PTPRR: variants seen among roughly 807,000 people sequenced by gnomAD.
PTPRR encodes protein tyrosine phosphatase receptor type R, also known as receptor-type tyrosine-protein phosphatase R.
In PTPRR, 38 loss-of-function variants were observed where a neutral mutation model predicts 77.2. The ratio of observed to expected loss-of-function variants is 0.49; its 90% CI spans 0.38 to 0.65. PTPRR has a LOEUF of 0.65. Among genes scored for constraint, PTPRR ranks in the 30% least tolerant of loss-of-function variants. The probability of loss-of-function intolerance (pLI) is 0.00; values close to 1 mark genes in which losing one functional copy is unlikely to be tolerated. For synonymous variants in PTPRR, 299 were observed against 283.1 expected (o/e 1.06, Z -0.57); for missense variants, 744 against 799.2 (o/e 0.93, Z 0.83).
chr12:70,738,891 G>T lies in PTPRR; in HGVS notation c.1007+6927C>A, dbSNP rs186373380. On this transcript the variant is annotated intron_variant, in intron 6 of 13. Transcript: ENST00000283228. ...CTCCTCAATACAGGTGAATAAACAG[G>T]TTCCAACTTATATATGTGGTAGTTA... Among the ~76,000 whole-genome samples the T allele has an allele frequency of 9.3e-4, 141 of 152,296 alleles. 1 individual carries two copies. The highest frequency in any genetic ancestry group is 3.3e-3 in the African/African-American group (138 of 41,558).
chr12:70,735,031 T>C (rs756942586), intron 6 of PTPRR, among the ~76,000 whole-genome samples: 1 of 152,112 alleles, frequency 6.6e-6, no homozygotes, highest in Non-Finnish European at 1.5e-5. Context: ...TTTTATTTTT[T>C]TAGAATAAAA....
intron 6 of PTPRR, among the ~76,000 whole-genome samples, chr12:70,735,906 A>G (rs549838471): frequency 1.9e-4 from 29 of 152,326 alleles, no homozygotes; most frequent in African/African-American, 7.0e-4. Flanking sequence ...TTACAGCAGC[A>G]CGGGCAGCAG....
chr12:70,828,980 G>A (rs1409308207), intron 2 of PTPRR, among the ~76,000 whole-genome samples: 1 of 152,132 alleles, frequency 6.6e-6, no homozygotes, highest in East Asian at 1.9e-4. Flanking sequence ...AGTCTAATGA[G>A]AGATGCTTCT....
chr12:70,884,642 CG>C (rs1172630140), intron 2 of PTPRR, among the ~76,000 whole-genome samples: 1 of 151,526 alleles, frequency 6.6e-6, no homozygotes, highest in African/African-American at 2.4e-5. Flanking sequence ...CCGAGGCGGG[CG>C]GATCACGAGG....
At chr12:70,859,092 GC>G (rs1415218045) in intron 2 of PTPRR, among the ~76,000 whole-genome samples, 1 of 151,916 alleles carries the variant, frequency 6.6e-6, no homozygotes, top group African/African-American at 2.4e-5. Context: ...GCCAACTTCT[GC>G]CAGTTCTGAC....
intron 2 of PTPRR, among the ~76,000 whole-genome samples, chr12:70,890,960 C>T (rs924091446): frequency 6.6e-6 from 1 of 152,070 alleles, no homozygotes; most frequent in African/African-American, 2.4e-5. Flanking sequence ...TAAAAAATAA[C>T]CCTGCCTCCC....
chr12:70,867,438 T>C (rs950822699), intron 2 of PTPRR, among the ~76,000 whole-genome samples: 3 of 152,062 alleles, frequency 2.0e-5, no homozygotes, highest in African/African-American at 7.2e-5. Context: ...CATTCACAAT[T>C]GCTTCAAAGA....
At chr12:70,902,549 C>T (rs1893555148) in intron 1 of PTPRR, among the ~76,000 whole-genome samples, 1 of 151,802 alleles carries the variant, frequency 6.6e-6, no homozygotes, top group Admixed American at 6.6e-5. Flanking sequence ...GAATACTACT[C>T]AGCCATAAGA....
rs116454505 is a variant in PTPRR at position 70,715,358 on chromosome 12, C to T, written c.1008-14035G>A. 9.5e-3 allele frequency among the ~76,000 whole-genome samples: 1,452 copies of T among 152,252 alleles called. 19 individuals carry two copies. Among genetic ancestry groups the T allele is most frequent in the African/African-American group, 0.033 (1,365 of 41,552 alleles). On this transcript the variant is annotated intron_variant, in intron 6 of 13. Coordinates refer to ENST00000283228, the MANE Select transcript of PTPRR (RefSeq NM_002849.4). ...GAGGCAGGGTGAAATCACGAGACCA[C>T]AGGACTACAGGACCGGGGCAAAGTT...
rs1592642959 is a variant in PTPRR, at chr12:70,658,903, T to G, written c.1766+2037A>C. On this transcript the variant is annotated intron_variant, in intron 12 of 13. Coordinates refer to ENST00000283228, the MANE Select transcript of PTPRR (RefSeq NM_002849.4). The stretch of plus-strand genomic sequence containing the variant: ...CTCTAGTTTTTTTTTTTTTTTTTTT[T>G]TTTTTTTTTTTTATAAGACAGAGTC... Among the ~76,000 whole-genome samples the G allele has an allele frequency of 3.6e-5, 5 of 138,576 alleles. No individual in the cohort carries two copies. The South Asian group carries it at 9.8e-4, about 27-fold the overall frequency. The allele number at this position is 138,576 out of a possible 152,430, so 90.9% of individuals were successfully genotyped here. A position where few individuals can be genotyped will look rare whatever the true frequency, so the allele number is the denominator to read the frequency against.
chr12:70,889,254 T>C (rs1290817436), intron 2 of PTPRR, among the ~76,000 whole-genome samples: 4 of 152,142 alleles, frequency 2.6e-5, no homozygotes, highest in Admixed American at 1.3e-4. Context: ...TGAAAAAGTA[T>C]CCAACAGTTA....
intron 2 of PTPRR, among the ~76,000 whole-genome samples, chr12:70,886,114 A>C (rs1448217345): frequency 6.6e-6 from 1 of 152,178 alleles, no homozygotes; most frequent in Admixed American, 6.5e-5. Context: ...CTTAGCCTCT[A>C]GCTTTTCCAG....
At chr12:70,691,765 C>T (rs144120140) in intron 8 of PTPRR, among the ~76,000 whole-genome samples, 6 of 152,208 alleles carry the variant, frequency 3.9e-5, no homozygotes, top group East Asian at 1.9e-4. Flanking sequence ...TCCTAAAATA[C>T]GCTGGGGTCT....
intron 6 of PTPRR, among the ~76,000 whole-genome samples, chr12:70,716,922 G>A (rs1889053295): frequency 6.6e-6 from 1 of 152,208 alleles, no homozygotes; most frequent in Non-Finnish European, 1.5e-5. Flanking sequence ...TAATCATTAA[G>A]TTCTCACTGC....
chr12:70,814,824 C>T (rs778237420), intron 2 of PTPRR, among the ~76,000 whole-genome samples: 1 of 152,116 alleles, frequency 6.6e-6, no homozygotes, highest in Non-Finnish European at 1.5e-5. Context: ...TTTTAAGTAA[C>T]TCAATTACTT....
At position 70,650,229 on chromosome 12, in the gene PTPRR, G is replaced by C. The variant is rs1003354085; in HGVS notation, c.1880+6475C>G. Among the ~76,000 whole-genome samples the C allele has an allele frequency of 5.1e-4, 78 of 152,194 alleles. 1 individual carries two copies. Among genetic ancestry groups the C allele is most frequent in the African/African-American group, 1.9e-3 (77 of 41,538 alleles). ...AGCCCGAGGCAGGTGGATCACCTGA[G>C]GTCAGGAGTTCGAGACCAGCCTGGC... On this transcript the variant is annotated intron_variant, in intron 13 of 13. Coordinates refer to ENST00000283228, the MANE Select transcript of PTPRR (RefSeq NM_002849.4).
chr12:70,869,072 A>G (rs1368911910), intron 2 of PTPRR, among the ~76,000 whole-genome samples: 3 of 150,158 alleles, frequency 2.0e-5, no homozygotes, highest in Non-Finnish European at 4.4e-5. Context: ...ATTAGGAGAT[A>G]TACCTAATGC....
chr12:70,754,974 T>C (rs1890525772), intron 4 of PTPRR, among the ~76,000 whole-genome samples: 1 of 152,132 alleles, frequency 6.6e-6, no homozygotes, highest in Non-Finnish European at 1.5e-5. Context: ...AGGTTTATCT[T>C]TATTTGTATC....
chr12:70,787,285 A>C (rs1891342711), intron 2 of PTPRR, among the ~76,000 whole-genome samples: 1 of 152,222 alleles, frequency 6.6e-6, no homozygotes, highest in Non-Finnish European at 1.5e-5. Flanking sequence ...AAAACAAGGG[A>C]AACTATTTAT....
Sources: allele counts gnomAD v4.1 joint callset (sites outside exome capture counted in the v4.1 genomes callset), GRCh38; gene constraint gnomAD v4.1.1; transcripts MANE v1.5; gene names NCBI Gene and HGNC (gene_info 2026-07-23, HGNC 2026-07-21).